The following CLCN7 variants were observed in gnomAD, a reference collection of about 807,000 sequenced individuals.
The protein encoded by CLCN7 is H(+)/Cl(-) exchange transporter 7.
Under a neutral mutation model 102.1 loss-of-function variants are expected in CLCN7, and 60 were observed. The ratio of observed to expected loss-of-function variants is 0.59; its 90% CI spans 0.48 to 0.73. The LOEUF (loss-of-function observed/expected upper bound fraction) is 0.73, where lower values mean the gene tolerates loss of function less well. CLCN7 is among the 30% of genes least tolerant of loss of function. The pLI is 0.00. For missense variants in CLCN7, 962 were observed against 1,125.7 expected, an observed-to-expected ratio of 0.85 and a Z score of 2.08; for synonymous variants, 560 against 490.5, an observed-to-expected ratio of 1.14 and a Z score of -1.87.
At chr16:1,453,813 T>C (rs1378048028) in intron 14 of CLCN7, 21 bp downstream of exon 14, 17 of 1,612,454 alleles carry the variant, frequency 1.1e-5, no homozygotes, top group South Asian at 3.3e-5. Context: ...CAACGCGATA[T>C]GCAATGCGGT....
At chr16:1,454,557 C>A in intron 12 of CLCN7, 92 bp from the exon 13 acceptor site, 1 of 1,248,962 alleles carries the variant, frequency 8.0e-7, no homozygotes. Flanking sequence ...CTTAAGAGAG[C>A]TGTCCCCACA....
At chr16:1,447,935 C>T (rs766095726) in intron 21 of CLCN7, among the ~76,000 whole-genome samples, 3 of 152,238 alleles carry the variant, frequency 2.0e-5, no homozygotes, top group Non-Finnish European at 2.9e-5. Flanking sequence ...GGCCTGACCG[C>T]GCACAGCAGA....
chr16:1,464,208 A>G (rs1169513736), intron 2 of CLCN7, among the ~76,000 whole-genome samples: 1 of 152,256 alleles, frequency 6.6e-6, no homozygotes, highest in Admixed American at 6.5e-5. Flanking sequence ...GAACTCCTGC[A>G]GCTCAATTAT....
chr16:1,451,870 T>C, intron 15 of CLCN7, 154 bp from the exon 16 acceptor site: 1 of 667,150 alleles, frequency 1.5e-6, no homozygotes, highest in Non-Finnish European at 2.7e-6. Flanking sequence ...AGGGCCACGG[T>C]CACAGAGGGC....
At chr16:1,448,224 C>T (rs761643007) in intron 21 of CLCN7, 131 bp downstream of exon 21, 33 of 1,249,096 alleles carry the variant, frequency 2.6e-5, no homozygotes, top group Admixed American at 2.1e-4. Context: ...ACTCAGCTTC[C>T]GGCACTCCTG....
Position 1,446,272 on chromosome 16 carries a change from T to G in CLCN7, c.*359A>C, listed in dbSNP as rs762306226. ...CAGCAGCAGGGGCAAGGGCTCTGTC[T>G]CACGCACACGGGCACAGGCACGCAG... On this transcript the variant is annotated 3_prime_UTR_variant, in exon 25 of 25. Coordinates refer to ENST00000382745, the MANE Select transcript of CLCN7 (RefSeq NM_001287.6). 18 of 692,398 alleles carry G rather than the reference T, an allele frequency of 2.6e-5. No homozygotes were observed. The South Asian group carries it at 2.7e-4, about 10-fold the overall frequency. 42.9% of individuals were successfully genotyped at this position (692,398 alleles called of 1,614,324 possible). A position where few individuals can be genotyped will look rare whatever the true frequency, so the allele number is the denominator to read the frequency against.
chr16:1,473,573 C>A (rs528505264), intron 1 of CLCN7, among the ~76,000 whole-genome samples: 1 of 150,792 alleles, frequency 6.6e-6, no homozygotes, highest in Non-Finnish European at 1.5e-5. Flanking sequence ...CGGGGTTTCA[C>A]CATATTAGCC....
intron 12 of CLCN7, 128 bp from the exon 13 acceptor site, chr16:1,454,593 G>T: frequency 1.1e-6 from 1 of 897,108 alleles, no homozygotes; most frequent in Non-Finnish European, 1.8e-6. Flanking sequence ...CTTCCACGCA[G>T]GCTGCGGAAG....
intron 21 of CLCN7, 114 bp from the exon 22 acceptor site, chr16:1,447,828 G>A: frequency 8.3e-7 from 1 of 1,207,292 alleles, no homozygotes; most frequent in Non-Finnish European, 1.2e-6. Context: ...ATCTGGGCAT[G>A]GGCCCCGTGT....
At chr16:1,465,164 G>A in intron 2 of CLCN7, 103 bp downstream of exon 2, 6 of 1,165,638 alleles carry the variant, frequency 5.1e-6, no homozygotes, top group African/African-American at 1.5e-5. Context: ...CCCCGGCCCT[G>A]GGGCCCCACT....
At chr16:1,461,799 T>G in intron 2 of CLCN7, 125 bp from the exon 3 acceptor site, 1 of 849,262 alleles carries the variant, frequency 1.2e-6, no homozygotes, top group Non-Finnish European at 2.0e-6. Flanking sequence ...GCAAGAGAAC[T>G]GCACATGGGG....
chr16:1,468,328 C>G (rs1188534345), intron 1 of CLCN7, among the ~76,000 whole-genome samples: 1 of 152,176 alleles, frequency 6.6e-6, no homozygotes, highest in Admixed American at 6.5e-5. Context: ...GAGGGGTTGC[C>G]CCCCAGCAGG....
In CLCN7 at chr16:1,460,952, C is replaced by T; in HGVS notation, c.352-4G>A. The T allele has an allele frequency of 6.2e-7, 1 of 1,612,884 alleles. No homozygotes were observed. The highest frequency in any genetic ancestry group is 8.5e-7 in the Non-Finnish European group (1 of 1,179,858). On this transcript the variant is annotated splice_region_variant and splice_polypyrimidine_tract_variant and intron_variant, in intron 4 of 24. Transcript: ENST00000382745. ...TGATCTCCACCGTCCGGAAGGCCTGCAGGGCGCGGTCAGGGCGAGGGTCAG... is the reference window on the plus strand; with the variant it reads ...TGATCTCCACCGTCCGGAAGGCCTGTAGGGCGCGGTCAGGGCGAGGGTCAG...
intron 21 of CLCN7, 80 bp from the exon 22 acceptor site, chr16:1,447,794 G>T: frequency 2.1e-6 from 3 of 1,459,134 alleles, no homozygotes; most frequent in South Asian, 1.2e-5. Flanking sequence ...GCCCCGCTCT[G>T]ACCCTGTTCC....
At chr16:1,469,941 T>C (rs2039054192) in intron 1 of CLCN7, among the ~76,000 whole-genome samples, 2 of 152,020 alleles carry the variant, frequency 1.3e-5, no homozygotes, top group Non-Finnish European at 2.9e-5. Flanking sequence ...CTGTGCCCCG[T>C]GAAATAAGCC....
In CLCN7 at chr16:1,475,013, T is replaced by C. The variant is rs944452827; in HGVS notation, c.-39A>G. The C allele has an allele frequency of 2.1e-6, 3 of 1,413,530 alleles. No individual in the cohort carries two copies. Among genetic ancestry groups the C allele is most frequent in the Non-Finnish European group, 1.9e-6 (2 of 1,080,684 alleles). The allele number at this position is 1,413,530 out of a possible 1,614,324, so 87.6% of individuals were successfully genotyped here. ...GCGACACCGGCCGGGAAGCGCCGGCTGCCCCCGTGTTTGTTCTCGTGACCC... is the reference window on the plus strand; with the variant it reads ...GCGACACCGGCCGGGAAGCGCCGGCCGCCCCCGTGTTTGTTCTCGTGACCC... On this transcript the variant is annotated 5_prime_UTR_variant, in exon 1 of 25. Coordinates refer to ENST00000382745, the MANE Select transcript of CLCN7 (RefSeq NM_001287.6).
At chr16:1,468,458 A>G (rs1475987434) in intron 1 of CLCN7, among the ~76,000 whole-genome samples, 1 of 152,204 alleles carries the variant, frequency 6.6e-6, no homozygotes, top group Non-Finnish European at 1.5e-5. Flanking sequence ...GAAGAACACG[A>G]CGTTTACTTC....
At chr16:1,467,684 A>T (rs1416324289) in intron 1 of CLCN7, 1 of 152,460 alleles carries the variant, frequency 6.6e-6, no homozygotes, top group Admixed American at 6.5e-5. Flanking sequence ...CCTGTGGGAC[A>T]CACCCTGCCC....
intron 13 of CLCN7, 149 bp from the exon 14 acceptor site, chr16:1,454,043 ACAT>A: frequency 1.3e-6 from 1 of 754,628 alleles, no homozygotes. Context: ...TGCTTCCTCC[ACAT>A]CATCACACCC....
Sources: gnomAD v4.1 joint callset for allele counts (sites outside exome capture counted in the v4.1 genomes callset) on GRCh38, gnomAD v4.1.1 for gene constraint, MANE v1.5 for transcripts, NCBI Gene and HGNC (gene_info 2026-07-23, HGNC 2026-07-21) for gene names.